The following EDIL3 variants were observed in gnomAD, a reference collection of about 807,000 sequenced individuals.
EDIL3 encodes EGF like and discoidin domains 3.
A neutral mutation model predicts 67.4 loss-of-function variants in EDIL3; 37 were observed. The ratio of observed to expected loss-of-function variants is 0.55; its 90% CI spans 0.42 to 0.72. The LOEUF (loss-of-function observed/expected upper bound fraction) is 0.72. Among genes scored for constraint, EDIL3 ranks in the 30% least tolerant of loss-of-function variants. The pLI, the probability that EDIL3 is intolerant of heterozygous loss-of-function variation, is 0.00. For missense variants in EDIL3, 527 were observed against 586.3 expected (o/e 0.90, Z 1.04); for synonymous variants, 195 against 196.3 (o/e 0.99, Z 0.05).
chr5:84,095,828 T>A (rs1258654435), intron 6 of EDIL3, among the ~76,000 whole-genome samples: 1 of 152,182 alleles, frequency 6.6e-6, no homozygotes, highest in Non-Finnish European at 1.5e-5. Context: ...GGGGGAATTG[T>A]CTCCACAGCA....
At chr5:84,016,217 T>A (rs1163449918) in intron 9 of EDIL3, among the ~76,000 whole-genome samples, 1 of 152,210 alleles carries the variant, frequency 6.6e-6, no homozygotes, top group Admixed American at 6.5e-5. Flanking sequence ...TATTGTGTGT[T>A]ACAGTTCTTA....
chr5:84,121,149 A>C (rs1444954219), intron 5 of EDIL3, among the ~76,000 whole-genome samples: 2 of 152,010 alleles, frequency 1.3e-5, no homozygotes, highest in African/African-American at 4.8e-5. Flanking sequence ...ACATACGTTG[A>C]GCATTCCTTA....
intron 3 of EDIL3, among the ~76,000 whole-genome samples, chr5:84,205,400 T>C (rs1015079847): frequency 3.3e-5 from 5 of 152,082 alleles, no homozygotes; most frequent in African/African-American, 1.2e-4. Flanking sequence ...AACAATGAAG[T>C]CAGATGTGTC....
At chr5:84,025,464 C>A (rs1273832039) in intron 9 of EDIL3, among the ~76,000 whole-genome samples, 2 of 152,052 alleles carry the variant, frequency 1.3e-5, no homozygotes, top group Non-Finnish European at 2.9e-5. Context: ...CTCCCACTGA[C>A]TCTATATTAT....
intron 9 of EDIL3, among the ~76,000 whole-genome samples, chr5:83,992,845 A>G (rs1745174040): frequency 6.6e-6 from 1 of 151,792 alleles, no homozygotes. Context: ...AGTTATTTTT[A>G]TATACTCTAT....
At chr5:84,161,906 A>G (rs994499211) in intron 4 of EDIL3, among the ~76,000 whole-genome samples, 1 of 152,172 alleles carries the variant, frequency 6.6e-6, no homozygotes, top group Non-Finnish European at 1.5e-5. Context: ...GGAATTTAGA[A>G]CTCTAAATTT....
chr5:83,964,844 T>C (rs1240915892), intron 9 of EDIL3, among the ~76,000 whole-genome samples: 2 of 152,026 alleles, frequency 1.3e-5, no homozygotes, highest in African/African-American at 4.8e-5. Context: ...TTATCTAAAA[T>C]GTCTTGTGTG....
intron 4 of EDIL3, among the ~76,000 whole-genome samples, chr5:84,147,398 AT>A (rs903485075): frequency 7.9e-5 from 12 of 151,682 alleles, no homozygotes; most frequent in South Asian, 2.1e-4. Context: ...AGTATGTTGA[AT>A]TTTTTTTTCT....
At chr5:84,046,406 T>C (rs1746226078) in intron 9 of EDIL3, among the ~76,000 whole-genome samples, 1 of 152,132 alleles carries the variant, frequency 6.6e-6, no homozygotes, top group African/African-American at 2.4e-5. Flanking sequence ...CTTCAATCAT[T>C]ATAATAGTCT....
chr5:84,028,741 G>A (rs564327765), intron 9 of EDIL3, among the ~76,000 whole-genome samples: 46 of 151,756 alleles, frequency 3.0e-4, no homozygotes, highest in East Asian at 7.8e-4. Context: ...ATGTAAACAC[G>A]GAGTCTTAAA....
chr5:84,182,975 T>C (rs1749041168), intron 3 of EDIL3, among the ~76,000 whole-genome samples: 1 of 152,140 alleles, frequency 6.6e-6, no homozygotes, highest in Non-Finnish European at 1.5e-5. Context: ...CAATGACTAG[T>C]TATAGAACAA....
chr5:84,087,265 A>G (rs1747090823), intron 6 of EDIL3, among the ~76,000 whole-genome samples: 1 of 152,208 alleles, frequency 6.6e-6, no homozygotes, highest in Admixed American at 6.5e-5. Context: ...AATCTTCACA[A>G]CAATTTTAAG....
chr5:83,996,970 T>C (rs1745247644), intron 9 of EDIL3, among the ~76,000 whole-genome samples: 2 of 152,168 alleles, frequency 1.3e-5, no homozygotes, highest in South Asian at 4.1e-4. Flanking sequence ...AACTGGTACA[T>C]AGCCAAGTGA....
intron 3 of EDIL3, among the ~76,000 whole-genome samples, chr5:84,225,257 G>A (rs925251371): frequency 4.0e-5 from 6 of 151,632 alleles, no homozygotes; most frequent in African/African-American, 1.4e-4. Context: ...CAGATAAGAT[G>A]TATCATGCAT....
chr5:84,172,698 A>ACAAC (rs1369510368), intron 4 of EDIL3, among the ~76,000 whole-genome samples: 1 of 152,192 alleles, frequency 6.6e-6, no homozygotes, highest in Non-Finnish European at 1.5e-5. Flanking sequence ...AGTATACTGT[A>ACAAC]CAACCACCAG....
At chr5:84,059,648 T>C (rs1023696049) in intron 9 of EDIL3, among the ~76,000 whole-genome samples, 33 of 152,328 alleles carry the variant, frequency 2.2e-4, no homozygotes, top group African/African-American at 7.7e-4. Context: ...GATCTCATTA[T>C]CGAATTGAGT....
intron 10 of EDIL3, among the ~76,000 whole-genome samples, chr5:83,949,575 T>A (rs1039208463): frequency 6.6e-6 from 1 of 151,880 alleles, no homozygotes; most frequent in Non-Finnish European, 1.5e-5. Flanking sequence ...TCTAGACACA[T>A]CTTAATCTTG....
intron 5 of EDIL3, among the ~76,000 whole-genome samples, chr5:84,117,028 T>TTTTA: frequency 7.7e-6 from 1 of 129,670 alleles, no homozygotes; most frequent in African/African-American, 3.0e-5. Flanking sequence ...TTATTTTTTT[T>TTTTA]TTTTTTTTTT....
At chr5:84,136,612 C>T (rs1480386757) in intron 5 of EDIL3, among the ~76,000 whole-genome samples, 1 of 152,176 alleles carries the variant, frequency 6.6e-6, no homozygotes, top group Non-Finnish European at 1.5e-5. Context: ...TAGTGTGCAA[C>T]ATTCTTGCTA....
Sources: allele counts gnomAD v4.1 joint callset (sites outside exome capture counted in the v4.1 genomes callset), GRCh38; gene constraint gnomAD v4.1.1; transcripts MANE v1.5; gene names NCBI Gene and HGNC (gene_info 2026-07-23, HGNC 2026-07-21).